Variants in IGSF21 observed in about 807,000 individuals in gnomAD.
The protein encoded by IGSF21 is immunoglobin superfamily member 21, also known as immunoglobulin superfamily member 21.
IGSF21 carries 28 observed loss-of-function variants against 46.8 expected under a neutral mutation model. That is an observed-to-expected ratio of 0.60 (90% confidence interval 0.44 to 0.82). The LOEUF (loss-of-function observed/expected upper bound fraction) is 0.82, where lower values mean the gene tolerates loss of function less well. Among genes scored for constraint, IGSF21 ranks in the 40% least tolerant of loss-of-function variants. The pLI is 0.00. For synonymous variants in IGSF21, 284 were observed against 273.6 expected, an observed-to-expected ratio of 1.04 and a Z score of -0.38; for missense variants, 624 against 665.5, an observed-to-expected ratio of 0.94 and a Z score of 0.69.
chr1:18,353,961 C>T (rs772701659), intron 4 of IGSF21, among the ~76,000 whole-genome samples: 2 of 152,202 alleles, frequency 1.3e-5, no homozygotes, highest in Non-Finnish European at 2.9e-5. Context: ...AAATTGAACT[C>T]CTATTGCATG....
At chr1:18,323,322 G>A (rs1007319840) in intron 3 of IGSF21, among the ~76,000 whole-genome samples, 9 of 152,150 alleles carry the variant, frequency 5.9e-5, no homozygotes, top group Middle Eastern at 3.2e-3. Flanking sequence ...AAGGGCTTGA[G>A]GTGCAGAAGC....
chr1:18,238,857 G>A (rs2084697694), intron 2 of IGSF21, among the ~76,000 whole-genome samples: 1 of 152,196 alleles, frequency 6.6e-6, no homozygotes, highest in African/African-American at 2.4e-5. Context: ...ACCCCTCTCT[G>A]AGCTCCAGGA....
chr1:18,153,082 T>G (rs2086535312), intron 1 of IGSF21, among the ~76,000 whole-genome samples: 2 of 152,242 alleles, frequency 1.3e-5, no homozygotes, highest in South Asian at 4.2e-4. Context: ...GGCTCAGTGT[T>G]CGAGCCCCCA....
At chr1:18,237,930 AT>A (rs1233296800) in intron 2 of IGSF21, among the ~76,000 whole-genome samples, 1 of 152,164 alleles carries the variant, frequency 6.6e-6, no homozygotes, top group Non-Finnish European at 1.5e-5. Flanking sequence ...CTAGCCCTTC[AT>A]TTATGAATGA....
intron 1 of IGSF21, among the ~76,000 whole-genome samples, chr1:18,215,632 T>C (rs927418936): frequency 6.6e-6 from 1 of 152,198 alleles, no homozygotes; most frequent in Non-Finnish European, 1.5e-5. Flanking sequence ...AGTGGCCCGA[T>C]GCAGCCTGAC....
At chr1:18,202,028 T>C (rs992152960) in intron 1 of IGSF21, among the ~76,000 whole-genome samples, 3 of 152,184 alleles carry the variant, frequency 2.0e-5, no homozygotes, top group African/African-American at 7.2e-5. Flanking sequence ...ACCAAGCACT[T>C]GGAAAATTCC....
At position 18,170,858 on chromosome 1, in the gene IGSF21, C is replaced by A. The variant is rs191775631; in HGVS notation, c.71-57040C>A. On this transcript the variant is annotated intron_variant, in intron 1 of 9. Coordinates refer to ENST00000251296, the MANE Select transcript of IGSF21 (RefSeq NM_032880.5). ...CATTGTCAACCAGTGGTCTTACATT[C>A]AGAGAAGACAGTGGTCAGGGTAGGT... Among the ~76,000 whole-genome samples, 152 of 152,224 alleles carry A rather than the reference C, an allele frequency of 1.0e-3. 2 individuals carry two copies. Among genetic ancestry groups the A allele is most frequent in the African/African-American group, 3.6e-3 (148 of 41,542 alleles).
intron 1 of IGSF21, among the ~76,000 whole-genome samples, chr1:18,219,971 A>G (rs1337019439): frequency 6.6e-6 from 1 of 152,168 alleles, no homozygotes; most frequent in Admixed American, 6.5e-5. Context: ...AGATAGGACA[A>G]AAGCTCAGCT....
chr1:18,118,309 T>C (rs4920432), intron 1 of IGSF21, among the ~76,000 whole-genome samples: 93,355 of 151,988 alleles, frequency 0.61, 29,121 homozygotes, highest in East Asian at 0.82. Flanking sequence ...AGGAAGGCGT[T>C]CATCACAGGC....
chr1:18,226,712 G>C (rs964753402), intron 1 of IGSF21, among the ~76,000 whole-genome samples: 2 of 152,212 alleles, frequency 1.3e-5, no homozygotes, highest in African/African-American at 4.8e-5. Flanking sequence ...TTCCAGGCAG[G>C]GGTCAGGCCC....
chr1:18,318,447 T>C (rs1323847666), intron 3 of IGSF21, among the ~76,000 whole-genome samples: 6 of 147,434 alleles, frequency 4.1e-5, no homozygotes, highest in Non-Finnish European at 8.9e-5. Flanking sequence ...ATAGGGTGCA[T>C]GCACGTGTGC....
At chr1:18,216,079 C>A (rs907475172) in intron 1 of IGSF21, among the ~76,000 whole-genome samples, 3 of 152,134 alleles carry the variant, frequency 2.0e-5, no homozygotes, top group South Asian at 2.1e-4. Context: ...TGGGCTGTGA[C>A]TGAGATGTTT....
intron 4 of IGSF21, among the ~76,000 whole-genome samples, chr1:18,359,494 AGG>A (rs2086077072): frequency 9.5e-6 from 1 of 105,246 alleles, no homozygotes; most frequent in African/African-American, 4.2e-5. Context: ...GAAGGAAGGA[AGG>A]AAGGAAGGAA....
At chr1:18,292,048 CA>C in intron 3 of IGSF21, 61 bp downstream of exon 3, 1 of 1,550,310 alleles carries the variant, frequency 6.5e-7, no homozygotes, top group Non-Finnish European at 8.8e-7. Context: ...GGGAGTGGGG[CA>C]GAGGGCAGTT....
intron 1 of IGSF21, among the ~76,000 whole-genome samples, chr1:18,205,967 C>T (rs1208308906): frequency 1.3e-5 from 2 of 152,194 alleles, no homozygotes; most frequent in East Asian, 3.8e-4. Flanking sequence ...AAAATGTCAA[C>T]AATTCCTGGA....
intron 1 of IGSF21, among the ~76,000 whole-genome samples, chr1:18,203,973 G>A (rs898690688): frequency 1.3e-5 from 2 of 152,192 alleles, no homozygotes; most frequent in African/African-American, 2.4e-5. Context: ...TGGGGCCATC[G>A]CTTGCCGAGA....
intron 1 of IGSF21, among the ~76,000 whole-genome samples, chr1:18,213,209 T>A (rs979777946): frequency 6.6e-5 from 10 of 152,250 alleles, no homozygotes; most frequent in African/African-American, 2.4e-4. Context: ...GCTTTTTCAT[T>A]CATCTTATTC....
At chr1:18,185,900 T>A (rs1195909043) in intron 1 of IGSF21, among the ~76,000 whole-genome samples, 1 of 152,228 alleles carries the variant, frequency 6.6e-6, no homozygotes, top group Non-Finnish European at 1.5e-5. Context: ...ATTGCCCCTC[T>A]CTGAGCCTCA....
At chr1:18,240,332 G>C (rs2124517343) in intron 2 of IGSF21, among the ~76,000 whole-genome samples, 1 of 152,338 alleles carries the variant, frequency 6.6e-6, no homozygotes, top group South Asian at 2.1e-4. Context: ...AGGTAGCCCT[G>C]TCTTTTGTGG....
Sources: gnomAD v4.1 joint callset for allele counts (sites outside exome capture counted in the v4.1 genomes callset) on GRCh38, gnomAD v4.1.1 for gene constraint, MANE v1.5 for transcripts, NCBI Gene and HGNC (gene_info 2026-07-23, HGNC 2026-07-21) for gene names.